JAM3: variants seen among roughly 807,000 people sequenced by gnomAD.
The protein encoded by JAM3 is junctional adhesion molecule C.
In JAM3, 31 loss-of-function variants were observed where a neutral mutation model predicts 39.4. That is an observed-to-expected ratio of 0.79 (90% CI 0.59 to 1.06). The LOEUF (loss-of-function observed/expected upper bound fraction) is 1.06, where lower values mean the gene tolerates loss of function less well. Ranked by LOEUF, JAM3 falls within the 50% of genes least tolerant of loss-of-function variation. The pLI is 0.00. For missense variants in JAM3, 455 were observed against 391.4 expected (o/e 1.16, Z -1.37); for synonymous variants, 182 against 148.7 (o/e 1.22, Z -1.63).
intron 1 of JAM3, among the ~76,000 whole-genome samples, chr11:134,103,216 T>C (rs1021578245): frequency 1.1e-4 from 16 of 152,152 alleles, no homozygotes; most frequent in South Asian, 2.1e-4. Context: ...TTCAACATTC[T>C]TAAAGAAAAG....
intron 3 of JAM3, 55 bp downstream of exon 3, chr11:134,140,825 G>T: frequency 6.4e-7 from 1 of 1,567,724 alleles, no homozygotes; most frequent in East Asian, 2.4e-5. Context: ...ATAGACCTGG[G>T]TATACACTCT....
In JAM3 at chr11:134,140,774, T is replaced by C. The variant is rs1329430975; in HGVS notation, c.256+4T>C. On this transcript the variant is annotated splice_donor_region_variant and intron_variant, in intron 3 of 8. Coordinates refer to ENST00000299106, the MANE Select transcript of JAM3 (RefSeq NM_032801.5). Reference sequence around the variant, plus strand: ...TTTTTTGACAACAAAATTCAGGGTATGATCCTGTAGTCCTCTTGCCTGCTG... The same window carrying C: ...TTTTTTGACAACAAAATTCAGGGTACGATCCTGTAGTCCTCTTGCCTGCTG... The C allele has an allele frequency of 6.2e-7, 1 of 1,612,426 alleles. No homozygotes were observed. The highest frequency in any genetic ancestry group is 8.5e-7 in the Non-Finnish European group (1 of 1,179,108).
chr11:134,079,688 C>G (rs934712505), intron 1 of JAM3, among the ~76,000 whole-genome samples: 19 of 152,200 alleles, frequency 1.2e-4, no homozygotes, highest in African/African-American at 4.6e-4. Flanking sequence ...ACACTACCAC[C>G]AAAACATCCA....
chr11:134,118,586 C>G (rs1333414003), intron 1 of JAM3, among the ~76,000 whole-genome samples: 1 of 152,110 alleles, frequency 6.6e-6, no homozygotes, highest in African/African-American at 2.4e-5. Context: ...TGTCTCCCAC[C>G]AACCCCAACC....
At chr11:134,102,602 G>A (rs995053028) in intron 1 of JAM3, among the ~76,000 whole-genome samples, 6 of 152,130 alleles carry the variant, frequency 3.9e-5, no homozygotes, top group African/African-American at 1.4e-4. Flanking sequence ...TCGCAAAGAA[G>A]CTAAAAACCT....
chr11:134,099,542 T>A (rs1378085769), intron 1 of JAM3, among the ~76,000 whole-genome samples: 2 of 152,204 alleles, frequency 1.3e-5, no homozygotes, highest in Admixed American at 6.5e-5. Flanking sequence ...CAAGTTGTGC[T>A]GTACTTGATT....
chr11:134,091,836 GTTT>G (rs36015656), intron 1 of JAM3, among the ~76,000 whole-genome samples: 252 of 141,498 alleles, frequency 1.8e-3, no homozygotes, highest in African/African-American at 5.4e-3. Flanking sequence ...GGGGGTGTGG[GTTT>G]TTTTTTTTTT....
chr11:134,069,258 G>A lies in JAM3; in HGVS notation c.76+99G>A, dbSNP rs562867391. On this transcript the variant is annotated intron_variant, in intron 1 of 8. Transcript: ENST00000299106. Reference sequence around the variant, plus strand: ...GGAGCCGGTCCGGGCGAGGATAGCGGTCCTGGCTCCGAGGGCTCCCGGGGT... The same window carrying A: ...GGAGCCGGTCCGGGCGAGGATAGCGATCCTGGCTCCGAGGGCTCCCGGGGT... The A allele has an allele frequency of 4.7e-6, 7 of 1,487,254 alleles. No homozygotes were observed. In the East Asian group the frequency reaches 1.3e-4, roughly 27 times the overall value. 92.1% of individuals were successfully genotyped at this position (1,487,254 alleles called of 1,614,324 possible). A position where few individuals can be genotyped will look rare whatever the true frequency, so the allele number is the denominator to read the frequency against.
chr11:134,111,206 C>T (rs1438874412), intron 1 of JAM3, among the ~76,000 whole-genome samples: 4 of 137,016 alleles, frequency 2.9e-5, no homozygotes, highest in African/African-American at 8.7e-5. Context: ...TGCAGTGGCG[C>T]GATCTCGGCT....
At chr11:134,129,309 G>A (rs905413076) in intron 1 of JAM3, among the ~76,000 whole-genome samples, 2 of 151,816 alleles carry the variant, frequency 1.3e-5, no homozygotes, top group African/African-American at 4.8e-5. Context: ...GTAGAGATGG[G>A]GTTTCACAGT....
intron 1 of JAM3, among the ~76,000 whole-genome samples, chr11:134,129,802 G>T (rs1942732857): frequency 6.6e-6 from 1 of 152,158 alleles, no homozygotes; most frequent in African/African-American, 2.4e-5. Context: ...AGGAGCGCGA[G>T]ACCAGCCTGG....
At chr11:134,088,136 T>C (rs143610953) in intron 1 of JAM3, among the ~76,000 whole-genome samples, 1 of 152,354 alleles carries the variant, frequency 6.6e-6, no homozygotes, top group East Asian at 1.9e-4. Context: ...GGACCAGGAC[T>C]AGAACTCAAC....
Position 134,116,788 on chromosome 11 carries a change from A to G in JAM3, c.77-23063A>G, listed in dbSNP as rs1034326671. On this transcript the variant is annotated intron_variant, in intron 1 of 8. Transcript: ENST00000299106. ...GATACATGTATTTATATCCACGTAT[A>G]CACACATATCTATACTATTTCTCTA... 2.0e-5 allele frequency among the ~76,000 whole-genome samples: 3 copies of G among 152,156 alleles called. No homozygotes were observed. In the South Asian group the frequency reaches 6.2e-4, roughly 32 times the overall value.
At chr11:134,141,579 G>GT (rs1328567320) in intron 3 of JAM3, among the ~76,000 whole-genome samples, 5 of 152,138 alleles carry the variant, frequency 3.3e-5, no homozygotes, top group Admixed American at 3.3e-4. Context: ...CTGCATCTAT[G>GT]TTTCAGAAGA....
chr11:134,124,356 TGTGA>T (rs1244659033), intron 1 of JAM3: 18 of 707,270 alleles, frequency 2.5e-5, no homozygotes, highest in Middle Eastern at 4.0e-4. Context: ...TGAGTGTGCG[TGTGA>T]GTGTGATGGG....
intron 1 of JAM3, among the ~76,000 whole-genome samples, chr11:134,138,470 G>C (rs527733382): frequency 6.7e-6 from 1 of 149,692 alleles, no homozygotes; most frequent in African/African-American, 2.5e-5. Flanking sequence ...GTGGTGTCTC[G>C]TCGAAGTCGT....
intron 2 of JAM3, 86 bp downstream of exon 2, chr11:134,140,002 CTG>C: frequency 9.4e-7 from 1 of 1,062,262 alleles, no homozygotes; most frequent in Non-Finnish European, 1.4e-6. Context: ...ACATCTGTCT[CTG>C]TAAGTGTGCC....
intron 1 of JAM3, among the ~76,000 whole-genome samples, chr11:134,102,876 C>T (rs1335879279): frequency 6.6e-6 from 1 of 152,182 alleles, no homozygotes; most frequent in South Asian, 2.1e-4. Context: ...AAGACCAAAT[C>T]TATGTCTGAT....
chr11:134,143,409 T>C (rs1001740994), intron 3 of JAM3, among the ~76,000 whole-genome samples: 9 of 152,220 alleles, frequency 5.9e-5, no homozygotes, highest in Non-Finnish European at 1.2e-4. Context: ...AAAAATATTT[T>C]TTTTTCTAGA....
Sources: gnomAD v4.1 joint callset for allele counts (sites outside exome capture counted in the v4.1 genomes callset) on GRCh38, gnomAD v4.1.1 for gene constraint, MANE v1.5 for transcripts, NCBI Gene and HGNC (gene_info 2026-07-23, HGNC 2026-07-21) for gene names.